Variants in MAN1C1 observed in about 807,000 individuals in gnomAD.
MAN1C1 encodes mannosidase alpha class 1C member 1, also known as mannosyl-oligosaccharide 1,2-alpha-mannosidase IC.
A neutral mutation model predicts 71.5 loss-of-function variants in MAN1C1; 49 were observed. That is an observed-to-expected ratio of 0.69 (90% confidence interval 0.54 to 0.87). The LOEUF (loss-of-function observed/expected upper bound fraction) is 0.87, where lower values mean the gene tolerates loss of function less well. Ranked by LOEUF, MAN1C1 falls within the 40% of genes least tolerant of loss-of-function variation. The pLI, the probability that MAN1C1 is intolerant of heterozygous loss-of-function variation, is 0.00. For missense variants in MAN1C1, 743 were observed against 835.0 expected, an observed-to-expected ratio of 0.89 and a Z score of 1.36; for synonymous variants, 352 against 343.7, an observed-to-expected ratio of 1.02 and a Z score of -0.27.
intron 1 of MAN1C1, among the ~76,000 whole-genome samples, chr1:25,662,133 G>A (rs1232438413): frequency 1.3e-5 from 2 of 152,162 alleles, no homozygotes; most frequent in African/African-American, 2.4e-5. Context: ...ATCTGTTTTT[G>A]TGTTTGATTG....
chr1:25,668,722 A>AT (rs980625791), intron 1 of MAN1C1, among the ~76,000 whole-genome samples: 58 of 151,012 alleles, frequency 3.8e-4, no homozygotes, highest in East Asian at 5.8e-4. Flanking sequence ...TGCCCAGCTA[A>AT]TTTTTTTTTG....
At chr1:25,719,870 G>A (rs1030181696) in intron 2 of MAN1C1, among the ~76,000 whole-genome samples, 20 of 151,664 alleles carry the variant, frequency 1.3e-4, no homozygotes, top group Admixed American at 5.3e-4. Context: ...TGCAACCTCC[G>A]CCTCCCAGGT....
chr1:25,716,139 C>CCTATATGCCT (rs2046676800), intron 2 of MAN1C1, among the ~76,000 whole-genome samples: 1 of 152,216 alleles, frequency 6.6e-6, no homozygotes, highest in Non-Finnish European at 1.5e-5. Flanking sequence ...AGAACTCAGT[C>CCTATATGCCT]ATATGCCTAC....
chr1:25,753,491 G>A lies in MAN1C1; in HGVS notation c.842G>A (p.Arg281Gln), dbSNP rs574993256. 1.4e-4 allele frequency: 218 copies of A among 1,613,254 alleles called. No individual in the cohort carries two copies. The highest frequency in any genetic ancestry group is 1.7e-4 in the Non-Finnish European group (201 of 1,179,596). ...AFYLTGEEVFRIKAIRLGEKL... is the reference protein window; with the variant it reads ...AFYLTGEEVFQIKAIRLGEKL... ...TGATCCCCTCCTTTACAGGTGTTCC[G>A]AATAAAGGCCATCAGGCTGGGAGAG... Residue 281 changes from arginine (R) to glutamine (Q), a missense_variant, in exon 5 of 12, where the codon CGA becomes CAA. Transcript: ENST00000374332. This position sits in a 1 kb window ranked among gnomAD's most constrained non-coding sequence, Gnocchi z 4.9.
At chr1:25,629,503 T>G (rs915750971) in intron 1 of MAN1C1, among the ~76,000 whole-genome samples, 6 of 152,190 alleles carry the variant, frequency 3.9e-5, no homozygotes, top group Non-Finnish European at 7.4e-5. Flanking sequence ...TGGTGCGATC[T>G]TGGCTCACTG....
At chr1:25,619,139 G>C (rs2045165283) in intron 1 of MAN1C1, among the ~76,000 whole-genome samples, 1 of 152,180 alleles carries the variant, frequency 6.6e-6, no homozygotes, top group South Asian at 2.1e-4. Context: ...CTTGAAGACA[G>C]TTGCCAGCTT....
chr1:25,641,819 T>C (rs528550892), intron 1 of MAN1C1, among the ~76,000 whole-genome samples: 5 of 152,344 alleles, frequency 3.3e-5, no homozygotes, highest in African/African-American at 9.6e-5. Context: ...GAGTCAAAAC[T>C]GAGTTTTCCA....
intron 2 of MAN1C1, among the ~76,000 whole-genome samples, chr1:25,701,275 A>G (rs574644388): frequency 1.3e-5 from 2 of 152,300 alleles, no homozygotes; most frequent in African/African-American, 2.4e-5. Flanking sequence ...TTGTTGTCAC[A>G]AAAGCTGGCA....
chr1:25,691,586 C>T (rs1210749065), intron 2 of MAN1C1, among the ~76,000 whole-genome samples: 1 of 152,196 alleles, frequency 6.6e-6, no homozygotes, highest in African/African-American at 2.4e-5. Context: ...TGCTGCAAAA[C>T]CCTTAGAACA....
At chr1:25,710,419 C>T (rs2046598423) in intron 2 of MAN1C1, among the ~76,000 whole-genome samples, 1 of 152,218 alleles carries the variant, frequency 6.6e-6, no homozygotes, top group African/African-American at 2.4e-5. Context: ...CAAATGGTAA[C>T]AGGCACCAAA....
intron 9 of MAN1C1, among the ~76,000 whole-genome samples, chr1:25,780,363 G>A (rs1351034627): frequency 6.6e-6 from 1 of 152,106 alleles, no homozygotes; most frequent in Non-Finnish European, 1.5e-5. Flanking sequence ...GTGGGAGTAG[G>A]TGCATTCCTG....
intron 1 of MAN1C1, among the ~76,000 whole-genome samples, chr1:25,630,777 G>T (rs1405223514): frequency 6.6e-6 from 1 of 152,158 alleles, no homozygotes; most frequent in East Asian, 1.9e-4. Context: ...AGACTTTAAT[G>T]AATTTATTTA....
At position 25,746,264 on chromosome 1, in the gene MAN1C1, C is replaced by T. The variant is rs2047126766; in HGVS notation, c.638-404C>T. On this transcript the variant is annotated intron_variant, in intron 2 of 11. Coordinates refer to ENST00000374332, the MANE Select transcript of MAN1C1 (RefSeq NM_020379.4). This position sits in a 1 kb window ranked among gnomAD's most constrained non-coding sequence, Gnocchi z 4.0. ...AGGTTGGAGTGAGCCGAGATCGCAC[C>T]ATTGCACTCCAGACTGGGTGACAGA... Among the ~76,000 whole-genome samples, 1 of 152,230 alleles carries T rather than the reference C, an allele frequency of 6.6e-6. No individual in the cohort carries two copies. Among genetic ancestry groups the T allele is most frequent in the Admixed American group, 6.5e-5 (1 of 15,284 alleles).
intron 2 of MAN1C1, among the ~76,000 whole-genome samples, chr1:25,733,412 G>A (rs1572181630): frequency 6.6e-6 from 1 of 151,608 alleles, no homozygotes; most frequent in African/African-American, 2.4e-5. Context: ...CTTTCCCGCT[G>A]CACACAACCT....
intron 1 of MAN1C1, among the ~76,000 whole-genome samples, chr1:25,679,937 C>CA (rs1237281245): frequency 0.024 from 2,063 of 85,290 alleles, 37 homozygotes; most frequent in African/African-American, 0.026. Flanking sequence ...ACCTCTGTCT[C>CA]AAAAAAAAAA....
intron 1 of MAN1C1, among the ~76,000 whole-genome samples, chr1:25,662,038 G>C (rs539766341): frequency 2.0e-5 from 3 of 152,256 alleles, no homozygotes; most frequent in African/African-American, 7.2e-5. Context: ...CCATCTCTCT[G>C]GAGTCATCAG....
chr1:25,693,560 G>A (rs1052067470), intron 2 of MAN1C1, among the ~76,000 whole-genome samples: 2 of 152,220 alleles, frequency 1.3e-5, no homozygotes, highest in African/African-American at 4.8e-5. Flanking sequence ...GAACCTGGGA[G>A]GTGGAGATTA....
At chr1:25,656,363 G>T (rs1353847979) in intron 1 of MAN1C1, among the ~76,000 whole-genome samples, 2 of 151,958 alleles carry the variant, frequency 1.3e-5, no homozygotes, top group Non-Finnish European at 2.9e-5. Context: ...CTCCCAAACT[G>T]CTGAAATTAC....
chr1:25,626,774 A>G (rs1557738724), intron 1 of MAN1C1, among the ~76,000 whole-genome samples: 1 of 152,214 alleles, frequency 6.6e-6, no homozygotes, highest in Non-Finnish European at 1.5e-5. Context: ...TGCTTCATAT[A>G]TTCTAGATAC....
Sources: gnomAD v4.1 joint callset for allele counts (sites outside exome capture counted in the v4.1 genomes callset) on GRCh38, gnomAD v4.1.1 for gene constraint, Gnocchi (gnomAD v3.1) non-coding constraint, MANE v1.5 for transcripts, NCBI Gene and HGNC (gene_info 2026-07-23, HGNC 2026-07-21) for gene names.